SGMS2: variants seen among roughly 807,000 people sequenced by gnomAD.
The protein encoded by SGMS2 is phosphatidylcholine:ceramide cholinephosphotransferase 2.
SGMS2 carries 21 observed loss-of-function variants against 43.8 expected under a neutral mutation model. That is an observed-to-expected ratio of 0.48 (90% CI 0.34 to 0.69). The LOEUF (loss-of-function observed/expected upper bound fraction) is 0.69. Among genes scored for constraint, SGMS2 ranks in the 30% least tolerant of loss-of-function variants. SGMS2 has a pLI of 0.01. For synonymous variants in SGMS2, 167 were observed against 160.6 expected, an observed-to-expected ratio of 1.04 and a Z score of -0.30; for missense variants, 384 against 443.2, an observed-to-expected ratio of 0.87 and a Z score of 1.20.
At chr4:107,840,860 G>C (rs1364656764) in intron 1 of SGMS2, among the ~76,000 whole-genome samples, 1 of 152,142 alleles carries the variant, frequency 6.6e-6, no homozygotes, top group Non-Finnish European at 1.5e-5. Context: ...CTCTAGAAAA[G>C]AGTCCTGTTG....
At chr4:107,849,198 A>G (rs137905069) in intron 1 of SGMS2, among the ~76,000 whole-genome samples, 8 of 152,208 alleles carry the variant, frequency 5.3e-5, no homozygotes, top group African/African-American at 1.9e-4. Flanking sequence ...TTCATAGAAT[A>G]GAGAGCTGTG....
chr4:107,856,070 C>T (rs1334041108), intron 1 of SGMS2, among the ~76,000 whole-genome samples: 1 of 152,094 alleles, frequency 6.6e-6, no homozygotes, highest in Non-Finnish European at 1.5e-5. Context: ...AATATTCAGT[C>T]CCAGGAGATA....
Position 107,910,332 on chromosome 4 carries a change from T to C in SGMS2, c.895-18T>C, listed in dbSNP as rs1732015240. 1 of 1,602,366 alleles carries C rather than the reference T, an allele frequency of 6.2e-7. No individual in the cohort carries two copies. Among genetic ancestry groups the C allele is most frequent in the African/African-American group, 1.3e-5 (1 of 74,386 alleles). On this transcript the variant is annotated intron_variant, in intron 6 of 6. Transcript: ENST00000690982. ...GAGAAAGATATGTCTCATTTAAATTTTTTTCTACCATTTACAGAACTTGAA... is the reference window on the plus strand; with the variant it reads ...GAGAAAGATATGTCTCATTTAAATTCTTTTCTACCATTTACAGAACTTGAA...
chr4:107,825,834 C>T (rs10021742), intron 1 of SGMS2, among the ~76,000 whole-genome samples: 11,520 of 151,954 alleles, frequency 0.076, 589 homozygotes, highest in African/African-American at 0.13. Context: ...TAATTATCCA[C>T]GGCTTGAAAC....
chr4:107,863,210 A>C (rs1578552607), intron 2 of SGMS2, among the ~76,000 whole-genome samples: 1 of 152,160 alleles, frequency 6.6e-6, no homozygotes, highest in Non-Finnish European at 1.5e-5. Context: ...ACAACATAGC[A>C]TGGTTCCAGG....
intron 2 of SGMS2, among the ~76,000 whole-genome samples, chr4:107,879,518 G>C (rs1003999703): frequency 8.6e-5 from 13 of 151,330 alleles, no homozygotes. Context: ...CTAGAGTGCG[G>C]TGGCACCATC....
intron 2 of SGMS2, among the ~76,000 whole-genome samples, chr4:107,894,629 C>T (rs1048732811): frequency 6.6e-6 from 1 of 152,134 alleles, no homozygotes; most frequent in Non-Finnish European, 1.5e-5. Flanking sequence ...TTGTTACCTG[C>T]GTGAGAGACA....
intron 3 of SGMS2, 30 bp from the exon 4 acceptor site, chr4:107,899,545 G>GT (rs1560670589): frequency 2.0e-6 from 3 of 1,530,216 alleles, no homozygotes; most frequent in Admixed American, 1.8e-5. Context: ...CAGTAAACTT[G>GT]TTTTTCCCCA....
intron 1 of SGMS2, among the ~76,000 whole-genome samples, chr4:107,828,633 A>G (rs1725727345): frequency 6.6e-6 from 1 of 152,146 alleles, no homozygotes; most frequent in Non-Finnish European, 1.5e-5. Context: ...AAATCTTTCT[A>G]GCTATGTCTG....
chr4:107,845,993 T>C (rs1726786988), intron 1 of SGMS2, among the ~76,000 whole-genome samples: 1 of 152,218 alleles, frequency 6.6e-6, no homozygotes, highest in Non-Finnish European at 1.5e-5. Context: ...AGAATGCTCT[T>C]TACTTTTAGA....
chr4:107,831,309 T>G (rs979661789), intron 1 of SGMS2, among the ~76,000 whole-genome samples: 8 of 152,282 alleles, frequency 5.3e-5, no homozygotes, highest in Non-Finnish European at 8.8e-5. Flanking sequence ...CCGTGCTGCC[T>G]TAAGATCATG....
At chr4:107,825,298 C>CG (rs1400248051) in intron 1 of SGMS2, 45 bp downstream of exon 1, 1 of 152,256 alleles carries the variant, frequency 6.6e-6, no homozygotes, top group African/African-American at 2.4e-5. Context: ...GGCTGGGGAG[C>CG]GGAGAGTCCT....
At chr4:107,893,508 C>T (rs1253365647) in intron 2 of SGMS2, 1 of 152,154 alleles carries the variant, frequency 6.6e-6, no homozygotes, top group Non-Finnish European at 1.5e-5. Flanking sequence ...TCCTGAGGCA[C>T]CTCTTCATTG....
intron 1 of SGMS2, among the ~76,000 whole-genome samples, chr4:107,831,442 A>T (rs1725886708): frequency 6.6e-6 from 1 of 152,214 alleles, no homozygotes. Flanking sequence ...TCTTGGCTGT[A>T]TAATGGGAGT....
intron 1 of SGMS2, among the ~76,000 whole-genome samples, chr4:107,857,897 C>T (rs768305556): frequency 3.3e-5 from 5 of 152,204 alleles, no homozygotes; most frequent in Non-Finnish European, 7.3e-5. Flanking sequence ...TCACAATACT[C>T]CCGCCGTGCT....
In SGMS2 at chr4:107,914,694, A is replaced by C. The variant is rs932492676; in HGVS notation, c.*4141A>C. The C allele has an allele frequency of 1.3e-5, 2 of 152,188 alleles. No individual in the cohort carries two copies. The highest frequency in any genetic ancestry group is 1.3e-4 in the Admixed American group (2 of 15,282). 9.4% of individuals were successfully genotyped at this position (152,188 alleles called of 1,614,324 possible). The stretch of plus-strand genomic sequence containing the variant: ...TTTTAATCAAATATGTAAATTTCAG[A>C]AGCTCTTTTTTCCTACCCACCAGTA... On this transcript the variant is annotated 3_prime_UTR_variant, in exon 7 of 7. Coordinates refer to ENST00000690982, the MANE Select transcript of SGMS2 (RefSeq NM_001375905.1).
In SGMS2 at chr4:107,854,267, G is replaced by A. The variant is rs551008200; in HGVS notation, c.-326-4205G>A. Among the ~76,000 whole-genome samples, 21 of 152,290 alleles carry A rather than the reference G, an allele frequency of 1.4e-4. No individual in the cohort carries two copies. In the South Asian group the frequency reaches 3.1e-3, roughly 23 times the overall value. ...GGGACTATCTGAAGGAAGACGGGTCGTTTTCTAGCTAAGGTTTGCACCGTA... is the reference window on the plus strand; with the variant it reads ...GGGACTATCTGAAGGAAGACGGGTCATTTTCTAGCTAAGGTTTGCACCGTA... On this transcript the variant is annotated intron_variant, in intron 1 of 6. Coordinates refer to ENST00000690982, the MANE Select transcript of SGMS2 (RefSeq NM_001375905.1).
intron 1 of SGMS2, among the ~76,000 whole-genome samples, chr4:107,846,474 G>T (rs1283392378): frequency 6.7e-6 from 1 of 149,818 alleles, no homozygotes; most frequent in Non-Finnish European, 1.5e-5. Flanking sequence ...AGTATTCCAT[G>T]GTGTATATGT....
At chr4:107,842,015 T>C (rs751689788) in intron 1 of SGMS2, among the ~76,000 whole-genome samples, 1 of 152,136 alleles carries the variant, frequency 6.6e-6, no homozygotes, top group Non-Finnish European at 1.5e-5. Context: ...ATGTTGGAAG[T>C]AGAGCTTGAA....
Sources: gnomAD v4.1 joint callset for allele counts (sites outside exome capture counted in the v4.1 genomes callset) on GRCh38, gnomAD v4.1.1 for gene constraint, MANE v1.5 for transcripts, NCBI Gene and HGNC (gene_info 2026-07-23, HGNC 2026-07-21) for gene names.